Variants in WDR47 observed in about 807,000 individuals in gnomAD.
The protein encoded by WDR47 is WD repeat domain 47, also known as WD repeat-containing protein 47.
Under a neutral mutation model 97.2 loss-of-function variants are expected in WDR47, and 32 were observed. That is an observed-to-expected ratio of 0.33 (90% CI 0.25 to 0.44). WDR47 has a LOEUF of 0.44. WDR47 is among the 20% of genes least tolerant of loss of function. The pLI, the probability that WDR47 is intolerant of heterozygous loss-of-function variation, is 1.00. For missense variants in WDR47, 782 were observed against 1,102.3 expected, an observed-to-expected ratio of 0.71 and a Z score of 4.11; for synonymous variants, 375 against 373.5, an observed-to-expected ratio of 1.00 and a Z score of -0.05.
intron 1 of WDR47, chr1:109,030,108 G>A: frequency 1.9e-6 from 2 of 1,054,984 alleles, no homozygotes; most frequent in South Asian, 1.8e-5. Flanking sequence ...CCCAGAAGAA[G>A]AGAAGAAGAA....
chr1:109,023,588 C>A (rs1662001874), intron 1 of WDR47, 67 bp from the exon 2 acceptor site: 1 of 1,480,718 alleles, frequency 6.8e-7, no homozygotes, highest in Non-Finnish European at 9.2e-7. Flanking sequence ...AACTGCCTGG[C>A]AACTACACAT....
chr1:109,030,364 C>A, intron 1 of WDR47: 1 of 530,666 alleles, frequency 1.9e-6, no homozygotes, highest in Non-Finnish European at 3.2e-6. Context: ...TCAATAAGCA[C>A]ATTTTTGATA....
In WDR47 at chr1:109,032,368, C is replaced by A. The variant is rs374388530; in HGVS notation, c.-9-8847G>T. 2.2e-5 allele frequency among the ~76,000 whole-genome samples: 3 copies of A among 134,998 alleles called. 1 individual carries two copies. Among genetic ancestry groups the A allele is most frequent in the African/African-American group, 8.0e-5 (3 of 37,530 alleles). 88.6% of individuals were successfully genotyped at this position (134,998 alleles called of 152,430 possible). A position where few individuals can be genotyped will look rare whatever the true frequency, so the allele number is the denominator to read the frequency against. ...CTAAAAATACAGAAGATTAGCCAGG[C>A]GTGGTGACGGGCGCCTGTAGTCCCA... is the stretch of plus-strand genomic sequence containing the variant. On this transcript the variant is annotated intron_variant, in intron 1 of 14. Transcript: ENST00000369962.
rs191687810 is a variant in WDR47, at chr1:109,024,997, A to G, written c.-9-1476T>C. ...CAACAGAGGAAGACCATGTCTCTAA[A>G]CAAAACAAAACAAAAAATATATGTA... On this transcript the variant is annotated intron_variant, in intron 1 of 14. Transcript: ENST00000369962. 3 of 152,308 alleles carry G rather than the reference A, an allele frequency of 2.0e-5. No individual in the cohort carries two copies. The East Asian group carries it at 5.8e-4, about 29-fold the overall frequency. 9.4% of individuals were successfully genotyped at this position (152,308 alleles called of 1,614,324 possible).
chr1:108,986,684 T>G lies in WDR47; in HGVS notation c.1768-4A>C. On this transcript the variant is annotated splice_polypyrimidine_tract_variant and splice_region_variant and intron_variant, in intron 9 of 14. Transcript: ENST00000369962. ...ACTGCTTTTTTGATTTGTCATCCTA[T>G]GGAAAGAATGAATATTAGTTATCCT... 6.6e-7 allele frequency: 1 copy of G among 1,518,820 alleles called. No individual in the cohort carries two copies. 94.1% of individuals were successfully genotyped at this position (1,518,820 alleles called of 1,614,324 possible).
In WDR47 at chr1:108,992,132, AAG is replaced by A. The variant is rs1229794669; in HGVS notation, c.1692-805_1692-804del. On this transcript the variant is annotated intron_variant, in intron 8 of 14. Coordinates refer to ENST00000369962, the MANE Select transcript of WDR47 (RefSeq NM_001142551.2). ...AAATGTAATTTAAATCCTTAGATAT[AAG>A]AGGAAATAACAGATTAATAAGGAAA... is the stretch of plus-strand genomic sequence containing the variant. 6.8e-6 allele frequency: 4 copies of A among 592,476 alleles called. No individual in the cohort carries two copies. The East Asian group carries it at 8.9e-5, about 13-fold the overall frequency. The allele number at this position is 592,476 out of a possible 1,614,324, so 36.7% of individuals were successfully genotyped here. A position where few individuals can be genotyped will look rare whatever the true frequency, so the allele number is the denominator to read the frequency against.
chr1:109,040,035 C>CAA lies in WDR47; in HGVS notation c.-10+1825_-10+1826dup, dbSNP rs71281820. On this transcript the variant is annotated intron_variant, in intron 1 of 14. Transcript: ENST00000369962. ...TGGATGACAGAGTGAGACTCCGTCT[C>CAA]AAAAAAAAAAAAAAAAAAAAAAGGT... Among the ~76,000 whole-genome samples, 462 of 50,170 alleles carry CAA rather than the reference C, an allele frequency of 9.2e-3. 5 individuals are homozygous for CAA. Among genetic ancestry groups the CAA allele is most frequent in the African/African-American group, 0.025 (327 of 13,294 alleles). 32.9% of individuals were successfully genotyped at this position (50,170 alleles called of 152,430 possible).
chr1:109,033,819 T>C (rs1376189051), intron 1 of WDR47, among the ~76,000 whole-genome samples: 1 of 152,170 alleles, frequency 6.6e-6, no homozygotes, highest in Admixed American at 6.5e-5. Context: ...CTCAGGAGGC[T>C]GAGGCAGGAG....
At chr1:109,028,502 T>C (rs1029061868) in intron 1 of WDR47, among the ~76,000 whole-genome samples, 7 of 150,136 alleles carry the variant, frequency 4.7e-5, no homozygotes, top group Non-Finnish European at 7.4e-5. Context: ...TGAGCCATCA[T>C]GCCTGGCCCA....
chr1:109,027,416 C>T (rs1436318914), intron 1 of WDR47, among the ~76,000 whole-genome samples: 1 of 152,026 alleles, frequency 6.6e-6, no homozygotes, highest in Non-Finnish European at 1.5e-5. Flanking sequence ...TAGGCATAGG[C>T]ACATGCTTGA....
Position 108,986,669 on chromosome 1 carries a change from T to G in WDR47, c.1779A>C (p.Ser593=). ...TATTAATACAAACAAACTGCTTTTT[T>G]GATTTGTCATCCTATGGAAAGAATG... ...SRSKGEEDDK[S]KKQFVCINIL... The change falls in exon 10 of 15, where the codon TCA becomes TCC. Residue 593 remains serine (S), a synonymous_variant. Transcript: ENST00000369962. 3.7e-6 allele frequency: 6 copies of G among 1,600,502 alleles called. No homozygotes were observed. The highest frequency in any genetic ancestry group is 5.1e-6 in the Non-Finnish European group (6 of 1,175,506).
intron 11 of WDR47, 126 bp downstream of exon 11, chr1:108,983,156 A>G (rs1658478765): frequency 3.9e-6 from 4 of 1,021,378 alleles, no homozygotes; most frequent in Non-Finnish European, 5.3e-6. Context: ...AATTAGAATT[A>G]TTGAAAAAAT....
chr1:109,015,180 G>A (rs111230294), intron 3 of WDR47, among the ~76,000 whole-genome samples: 2,461 of 151,574 alleles, frequency 0.016, 26 homozygotes, highest in Non-Finnish European at 0.026. Context: ...CAAGCAGCAT[G>A]GTCTGAATAG....
At chr1:109,034,587 G>A (rs1050382789) in intron 1 of WDR47, among the ~76,000 whole-genome samples, 5 of 152,186 alleles carry the variant, frequency 3.3e-5, no homozygotes, top group Admixed American at 2.6e-4. Flanking sequence ...TCTGAGTCCC[G>A]CTCCTGTTAG....
chr1:108,983,030 T>A (rs1206385739), intron 11 of WDR47, among the ~76,000 whole-genome samples: 4 of 152,134 alleles, frequency 2.6e-5, no homozygotes, highest in Non-Finnish European at 4.4e-5. Flanking sequence ...CTAGAAAACA[T>A]CTGGTAGCTA....
intron 2 of WDR47, among the ~76,000 whole-genome samples, chr1:109,020,859 T>G: frequency 6.6e-6 from 1 of 150,994 alleles, no homozygotes; most frequent in African/African-American, 2.4e-5. Flanking sequence ...TGTTGAATGG[T>G]TCCTTTTCAT....
chr1:108,973,874 C>A (rs988641468), intron 14 of WDR47, among the ~76,000 whole-genome samples: 1 of 84,390 alleles, frequency 1.2e-5, no homozygotes, highest in Non-Finnish European at 2.3e-5. Flanking sequence ...AAGAGTGAGA[C>A]CCTGCCTCAA....
intron 10 of WDR47, among the ~76,000 whole-genome samples, chr1:108,984,281 G>A (rs953050848): frequency 2.6e-5 from 4 of 152,040 alleles, no homozygotes; most frequent in African/African-American, 9.7e-5. Context: ...TTTGAAACAC[G>A]AACTAATATG....
chr1:109,025,078 T>C (rs1662105954), intron 1 of WDR47: 1 of 152,142 alleles, frequency 6.6e-6, no homozygotes, highest in Admixed American at 6.6e-5. Flanking sequence ...TTTTTTTGTT[T>C]ATAACAAGAA....
Sources: gnomAD v4.1 joint callset for allele counts (sites outside exome capture counted in the v4.1 genomes callset) on GRCh38, gnomAD v4.1.1 for gene constraint, MANE v1.5 for transcripts, NCBI Gene and HGNC (gene_info 2026-07-23, HGNC 2026-07-21) for gene names.